PHB2: variants seen among roughly 807,000 people sequenced by gnomAD.
The protein encoded by PHB2 is prohibitin-2.
In PHB2, 22 loss-of-function variants were observed where a neutral mutation model predicts 46.4. The ratio of observed to expected loss-of-function variants is 0.47; its 90% CI spans 0.34 to 0.68. The LOEUF is 0.68. Ranked by LOEUF, PHB2 falls within the 30% of genes least tolerant of loss-of-function variation. The probability of loss-of-function intolerance (pLI) is 0.01; values close to 1 mark genes in which losing one functional copy is unlikely to be tolerated. For missense variants in PHB2, 305 were observed against 382.8 expected (o/e 0.80, Z 1.70); for synonymous variants, 156 against 150.5 (o/e 1.04, Z -0.27).
Position 6,967,337 on chromosome 12 carries a change from T to C in PHB2, c.712-89A>G, listed in dbSNP as rs1565589729. On this transcript the variant is annotated intron_variant, in intron 6 of 9. Coordinates refer to ENST00000535923, the MANE Select transcript of PHB2 (RefSeq NM_001144831.2). The surrounding 1 kb of genome is among the most constrained non-coding windows in gnomAD (Gnocchi z 4.9). ...CCCTTGCTCCAGTCCTCCTCTGGGC[T>C]GTCAGATCCAAGGTTGCGCTCAGGT... is the stretch of plus-strand genomic sequence containing the variant. 6.2e-7 allele frequency: 1 copy of C among 1,611,690 alleles called. No homozygotes were observed. Among genetic ancestry groups the C allele is most frequent in the African/African-American group, 1.3e-5 (1 of 75,020 alleles).
At position 6,970,452 on chromosome 12, in the gene PHB2, G is replaced by A. The variant is rs1555151914; in HGVS notation, c.92C>T (p.Ala31Val). Residue 31 changes from alanine to valine, a missense_variant, in exon 1 of 10, where the codon GCC becomes GTC. Physicochemically the swap from Ala to Val is moderately conservative, Grantham distance 64 (BLOSUM62 0). Transcript: ENST00000535923. Reference protein sequence around the residue: ...TALKLLLGAGAVAYGVRESVF... With the variant: ...TALKLLLGAGVVAYGVRESVF... ...AGATTCGCGCACACCGTAGGCCACG[G>A]CGCCGGCCCCCAGCAACAGCTTCAG... 6.2e-7 allele frequency: 1 copy of A among 1,604,592 alleles called. No homozygotes were observed. The highest frequency in any genetic ancestry group is 8.5e-7 in the Non-Finnish European group (1 of 1,179,598).
At chr12:6,968,760 G>T in intron 3 of PHB2, 165 bp from the exon 4 acceptor site, 1 of 666,470 alleles carries the variant, frequency 1.5e-6, no homozygotes, top group Non-Finnish European at 2.7e-6. Flanking sequence ...ACGCAGCACA[G>T]CTGAAATGCA....
At position 6,970,181 on chromosome 12, in the gene PHB2, T is replaced by C; in HGVS notation, c.212+15A>G. On this transcript the variant is annotated intron_variant, in intron 2 of 9. Coordinates refer to ENST00000535923, the MANE Select transcript of PHB2 (RefSeq NM_001144831.2). Reference sequence around the variant, plus strand: ...GGGTGAAAGGTCAGGGTCAGCAGGCTCTGCCCGCCATTACCTGAAGTGAAG... The same window carrying C: ...GGGTGAAAGGTCAGGGTCAGCAGGCCCTGCCCGCCATTACCTGAAGTGAAG... The C allele has an allele frequency of 1.3e-6, 2 of 1,598,554 alleles. No homozygotes were observed. The highest frequency in any genetic ancestry group is 1.1e-5 in the South Asian group (1 of 90,812).
At position 6,968,789 on chromosome 12, in the gene PHB2, C is replaced by A. The variant is rs2239168; in HGVS notation, c.293-194G>T. The A allele has an allele frequency of 3.2e-3, 1,952 of 617,964 alleles. 65 individuals carry two copies. In the East Asian group the frequency reaches 0.041, roughly 13 times the overall value. The allele number at this position is 617,964 out of a possible 1,614,324, so 38.3% of individuals were successfully genotyped here. Reference sequence around the variant, plus strand: ...AAATGCACCCTCACCCACTGTGAAGCCTTGAACTGCAAACCCCGTCACCAG... The same window carrying A: ...AAATGCACCCTCACCCACTGTGAAGACTTGAACTGCAAACCCCGTCACCAG... On this transcript the variant is annotated intron_variant, in intron 3 of 9. Coordinates refer to ENST00000535923, the MANE Select transcript of PHB2 (RefSeq NM_001144831.2).
At position 6,968,535 on chromosome 12, in the gene PHB2, G is replaced by C; in HGVS notation, c.353C>G (p.Pro118Arg). 6.2e-7 allele frequency: 1 copy of C among 1,613,496 alleles called. No homozygotes were observed. The highest frequency in any genetic ancestry group is 8.5e-7 in the Non-Finnish European group (1 of 1,179,582). ...VLSRPNAQEL[P>R]SMYQRLGLDY... ...CAGCCCTAGGCGCTGGTACATGCTA[G>C]GAAGCTCCTGAGCATTGGGTCGAGA... Residue 118 changes from proline to arginine, a missense_variant, in exon 4 of 10, where the codon CCT (proline) becomes CGT (arginine). Pro to Arg is a moderately radical substitution (Grantham distance 103). Coordinates refer to ENST00000535923, the MANE Select transcript of PHB2 (RefSeq NM_001144831.2).
Position 6,967,828 on chromosome 12 carries a change from A to G in PHB2, c.608-49T>C. ...GACCCTGTCCTGGGTCAGGAGCCCC[A>G]CCCATGGAGTCTTTCCTCCTCCTGC... is the stretch of plus-strand genomic sequence containing the variant. On this transcript the variant is annotated intron_variant, in intron 5 of 9. Transcript: ENST00000535923. The surrounding 1 kb of genome is among the most constrained non-coding windows in gnomAD (Gnocchi z 4.9). 6.2e-7 allele frequency: 1 copy of G among 1,609,262 alleles called. No individual in the cohort carries two copies. The highest frequency in any genetic ancestry group is 2.2e-5 in the East Asian group (1 of 44,780).
At chr12:6,966,561 G>A in intron 7 of PHB2, 61 bp from the exon 8 acceptor site, 2 of 997,482 alleles carry the variant, frequency 2.0e-6, no homozygotes, top group Non-Finnish European at 3.2e-6. Context: ...TCCGACCCCT[G>A]CAATTCAGCA....
intron 4 of PHB2, among the ~76,000 whole-genome samples, 153 bp from the exon 5 acceptor site, chr12:6,968,174 C>T (rs781795150): frequency 1.3e-5 from 2 of 152,212 alleles, no homozygotes; most frequent in Non-Finnish European, 2.9e-5. Context: ...CCTCTCTGCT[C>T]GAAGAGGTGC....
rs1946242216 is a variant in PHB2 at position 6,967,866 on chromosome 12, C to G, written c.607+26G>C. ...TTCCTCCTCCTGCATCTCAGAAGCC[C>G]TCACCCCACGGCTCTTGCGACTCAC... On this transcript the variant is annotated intron_variant, in intron 5 of 9. Transcript: ENST00000535923. The surrounding 1 kb of genome is among the most constrained non-coding windows in gnomAD (Gnocchi z 4.9). 1 of 1,612,236 alleles carries G rather than the reference C, an allele frequency of 6.2e-7. No individual in the cohort carries two copies. The highest frequency in any genetic ancestry group is 1.3e-5 in the African/African-American group (1 of 74,888).
chr12:6,967,065 T>C lies in PHB2; in HGVS notation c.789+106A>G, dbSNP rs1946224263. 2 of 1,005,876 alleles carry C rather than the reference T, an allele frequency of 2.0e-6. No individual in the cohort carries two copies. Among genetic ancestry groups the C allele is most frequent in the Non-Finnish European group, 1.5e-6 (1 of 658,864 alleles). The allele number at this position is 1,005,876 out of a possible 1,614,324, so 62.3% of individuals were successfully genotyped here. On this transcript the variant is annotated intron_variant, in intron 7 of 9. Coordinates refer to ENST00000535923, the MANE Select transcript of PHB2 (RefSeq NM_001144831.2). This position sits in a 1 kb window ranked among gnomAD's most constrained non-coding sequence, Gnocchi z 4.9. ...CGCCGGCCAGAGAAGCCAATCTGAG[T>C]AGAAACCGGAACAAGCAAGGTTCGA...
chr12:6,968,500 C>T lies in PHB2; in HGVS notation c.388G>A (p.Glu130Lys). The change falls in exon 4 of 10, where the codon GAA becomes AAA. Residue 130 changes from glutamate (E) to lysine (K), a missense_variant. Glu to Lys is a moderately conservative substitution (Grantham distance 56). Transcript: ENST00000535923. ...MYQRLGLDYE[E>K]RVLPSIVNEV... is the part of the protein sequence containing the mutation. ...TTGACAATGGACGGCAACACTCGTT[C>T]CTCGTAGTCCAGCCCTAGGCGCTGG... The T allele has an allele frequency of 6.2e-7, 1 of 1,613,506 alleles. No individual in the cohort carries two copies. The highest frequency in any genetic ancestry group is 8.5e-7 in the Non-Finnish European group (1 of 1,179,686).
intron 9 of PHB2, 51 bp downstream of exon 9, chr12:6,965,860 G>A: frequency 1.3e-6 from 2 of 1,596,814 alleles, no homozygotes; most frequent in Non-Finnish European, 1.7e-6. Context: ...GTAGGAGGCG[G>A]GTACTGGAGA....
chr12:6,968,617 G>C (rs1555151332), intron 3 of PHB2, 22 bp from the exon 4 acceptor site: 1 of 1,599,676 alleles, frequency 6.3e-7, no homozygotes, highest in Non-Finnish European at 8.6e-7. Context: ...GTCAGCAGTG[G>C]CTGGTCAAGG....
Position 6,967,098 on chromosome 12 carries a change from C to T in PHB2, c.789+73G>A, listed in dbSNP as rs782664699. On this transcript the variant is annotated intron_variant, in intron 7 of 9. Transcript: ENST00000535923. This position sits in a 1 kb window ranked among gnomAD's most constrained non-coding sequence, Gnocchi z 4.9. ...GGAACAAGCAAGGTTCGAATTCCCT[C>T]ACCTCAATGTGCCTTAACTGAAAGC... The T allele has an allele frequency of 3.2e-5, 40 of 1,238,652 alleles. 2 individuals are homozygous for T. In the South Asian group the frequency reaches 5.1e-4, roughly 16 times the overall value. The allele number at this position is 1,238,652 out of a possible 1,614,324, so 76.7% of individuals were successfully genotyped here.
chr12:6,970,721 C>T, upstream of PHB2: 1 of 944,610 alleles, frequency 1.1e-6, no homozygotes, highest in Non-Finnish European at 1.5e-6. Context: ...CACTACGGAC[C>T]CGAACTTCGC....
chr12:6,965,433 T>C lies in PHB2; in HGVS notation c.*252A>G. 1.8e-6 allele frequency: 1 copy of C among 569,516 alleles called. No individual in the cohort carries two copies. Among genetic ancestry groups the C allele is most frequent in the Non-Finnish European group, 3.2e-6 (1 of 317,336 alleles). The allele number at this position is 569,516 out of a possible 1,614,324, so 35.3% of individuals were successfully genotyped here. On this transcript the variant is annotated 3_prime_UTR_variant, in exon 10 of 10. Coordinates refer to ENST00000535923, the MANE Select transcript of PHB2 (RefSeq NM_001144831.2). The stretch of plus-strand genomic sequence containing the variant: ...CCAGCCTTGAGGGAGGGAACAACAC[T>C]GTAGGAAATCACTGAGAAATCACGC...
rs1946244449 is a variant in PHB2, at chr12:6,967,986, CCTCT to C, written c.509_512del (p.Glu170GlyfsTer17). 1.2e-6 allele frequency: 2 copies of C among 1,611,520 alleles called. No homozygotes were observed. The highest frequency in any genetic ancestry group is 1.7e-6 in the Non-Finnish European group (2 of 1,178,082). On this transcript the variant is annotated frameshift_variant, in exon 5 of 10. Transcript: ENST00000535923. LOFTEE classifies it high-confidence loss of function. The surrounding 1 kb of genome is among the most constrained non-coding windows in gnomAD (Gnocchi z 4.9). Reference sequence around the variant, plus strand: ...CCAGGATGAGGCTGAAGTCCTTGGCCCTCTCTGTCAGCTCCCGGCGGATCAACAG... The same window carrying C: ...CCAGGATGAGGCTGAAGTCCTTGGCCCTGTCAGCTCCCGGCGGATCAACAG...
rs1426845696 is a variant in PHB2 at position 6,967,704 on chromosome 12, G to A, written c.683C>T (p.Ala228Val). ...KQEQRQKIVQAEGEAEAAKML... is the reference protein window; with the variant it reads ...KQEQRQKIVQVEGEAEAAKML... ...CTTGGCAGCCTCGGCCTCACCCTCG[G>A]CCTGCACAATTTTCTGCCGCTGTTC... Residue 228 changes from alanine (A) to valine (V), a missense_variant, in exon 6 of 10, where the codon GCC becomes GTC. Around this residue, in one of 3 missense-constraint regions of PHB2, gnomAD observed 241 missense variants for 302.7 expected, o/e 0.80. Transcript: ENST00000535923. The surrounding 1 kb of genome is among the most constrained non-coding windows in gnomAD (Gnocchi z 4.9). 3 of 1,613,694 alleles carry A rather than the reference G, an allele frequency of 1.9e-6. No individual in the cohort carries two copies. Among genetic ancestry groups the A allele is most frequent in the African/African-American group, 2.7e-5 (2 of 74,892 alleles).
chr12:6,966,561 G>T, intron 7 of PHB2, 61 bp from the exon 8 acceptor site: 1 of 997,480 alleles, frequency 1.0e-6, no homozygotes, highest in Non-Finnish European at 1.6e-6. Context: ...TCCGACCCCT[G>T]CAATTCAGCA....
Sources: allele counts gnomAD v4.1 joint callset (sites outside exome capture counted in the v4.1 genomes callset), GRCh38; gene constraint gnomAD v4.1.1; regional missense constraint gnomAD v4.1.1; non-coding constraint Gnocchi (gnomAD v3.1); transcripts MANE v1.5; gene names NCBI Gene and HGNC (gene_info 2026-07-23, HGNC 2026-07-21).